PTPRM: variants seen among roughly 807,000 people sequenced by gnomAD.
PTPRM encodes the protein receptor-type tyrosine-protein phosphatase mu.
PTPRM carries 47 observed loss-of-function variants against 186.7 expected under a neutral mutation model. The ratio of observed to expected loss-of-function variants is 0.25; its 90% CI spans 0.20 to 0.32. The LOEUF is 0.32. Ranked by LOEUF, PTPRM falls within the 10% of genes least tolerant of loss-of-function variation. The pLI is 1.00. For missense variants in PTPRM, 1,494 were observed against 1,865.0 expected, an observed-to-expected ratio of 0.80 and a Z score of 3.66; for synonymous variants, 668 against 674.9, an observed-to-expected ratio of 0.99 and a Z score of 0.16.
At chr18:8,262,908 G>A (rs58153362) in intron 19 of PTPRM, among the ~76,000 whole-genome samples, 10,248 of 152,116 alleles carry the variant, frequency 0.067, 401 homozygotes, top group Middle Eastern at 0.12. Flanking sequence ...TGATAGAGAT[G>A]GATATAGAAC....
chr18:7,650,455 C>A (rs912364939), intron 1 of PTPRM, among the ~76,000 whole-genome samples: 2 of 145,610 alleles, frequency 1.4e-5, no homozygotes, highest in Non-Finnish European at 3.0e-5. Context: ...CCCCCCCCCC[C>A]CCACTGTAAT....
intron 14 of PTPRM, among the ~76,000 whole-genome samples, chr18:8,199,228 A>G (rs2146813936): frequency 6.6e-6 from 1 of 152,328 alleles, no homozygotes; most frequent in African/African-American, 2.4e-5. Flanking sequence ...AGACACTAGT[A>G]TTATCCTTAT....
In PTPRM at chr18:7,567,429, G is replaced by GCGCGGC. The variant is rs1204165292; in HGVS notation, c.-388_-383dup. On this transcript the variant is annotated 5_prime_UTR_variant, in exon 1 of 33. Transcript: ENST00000580170. The surrounding 1 kb of genome is among the most constrained non-coding windows in gnomAD (Gnocchi z 4.3). The stretch of plus-strand genomic sequence containing the variant: ...TGTGGAGAGGCGGCGGGCGGAACGC[G>GCGCGGC]CGCGGCCACGGCCACGGCCACCGCC... 8.5e-3 allele frequency: 1,296 copies of GCGCGGC among 152,520 alleles called. 8 individuals carry two copies. Among genetic ancestry groups the GCGCGGC allele is most frequent in the South Asian group, 0.015 (73 of 4,838 alleles). 9.4% of individuals were successfully genotyped at this position (152,520 alleles called of 1,614,324 possible).
chr18:7,728,126 A>T (rs1490047651), intron 1 of PTPRM, among the ~76,000 whole-genome samples: 1 of 152,226 alleles, frequency 6.6e-6, no homozygotes, highest in African/African-American at 2.4e-5. Flanking sequence ...GGAAATTATA[A>T]GTAAGGTTCA....
intron 2 of PTPRM, among the ~76,000 whole-genome samples, chr18:7,791,065 CA>C (rs2043318664): frequency 6.6e-6 from 1 of 152,100 alleles, no homozygotes; most frequent in African/African-American, 2.4e-5. Flanking sequence ...ACTCATCTTA[CA>C]AATGTGTTCT....
chr18:7,810,135 C>G (rs1483294555), intron 2 of PTPRM, among the ~76,000 whole-genome samples: 1 of 152,158 alleles, frequency 6.6e-6, no homozygotes, highest in Non-Finnish European at 1.5e-5. Context: ...AGTAGCCAAA[C>G]ACCCCTCGCA....
chr18:8,318,978 G>A (rs1426816885), intron 21 of PTPRM, among the ~76,000 whole-genome samples, 200 bp from the exon 22 acceptor site: 1 of 152,180 alleles, frequency 6.6e-6, no homozygotes, highest in South Asian at 2.1e-4. Flanking sequence ...CACACCTTTG[G>A]TGCAAGCATC....
At chr18:7,931,220 A>G (rs2051463654) in intron 5 of PTPRM, among the ~76,000 whole-genome samples, 2 of 118,892 alleles carry the variant, frequency 1.7e-5, no homozygotes, top group East Asian at 2.6e-4. Flanking sequence ...AAATCATTCA[A>G]GCACCCAAAA....
At chr18:7,949,750 A>C (rs1267039078) in intron 6 of PTPRM, among the ~76,000 whole-genome samples, 1 of 152,216 alleles carries the variant, frequency 6.6e-6, no homozygotes, top group Non-Finnish European at 1.5e-5. Context: ...AAGCAGTGTC[A>C]GTATAAACAT....
At chr18:7,596,429 A>T (rs1158516000) in intron 1 of PTPRM, among the ~76,000 whole-genome samples, 1 of 152,166 alleles carries the variant, frequency 6.6e-6, no homozygotes, top group Non-Finnish European at 1.5e-5. Flanking sequence ...TCCCATGGGC[A>T]TTTCATCATC....
intron 22 of PTPRM, among the ~76,000 whole-genome samples, chr18:8,343,113 A>C (rs570508599): frequency 2.9e-4 from 40 of 137,036 alleles, no homozygotes; most frequent in Non-Finnish European, 6.0e-4. Flanking sequence ...ACTCTTGAGT[A>C]CTATGGAGAT....
chr18:8,080,523 T>C (rs946586560), intron 9 of PTPRM, among the ~76,000 whole-genome samples: 3 of 152,216 alleles, frequency 2.0e-5, no homozygotes, highest in African/African-American at 4.8e-5. Flanking sequence ...GTGACTAGAG[T>C]ATCAAGTGCA....
intron 14 of PTPRM, among the ~76,000 whole-genome samples, chr18:8,176,548 T>A (rs2093485187): frequency 6.6e-6 from 1 of 152,224 alleles, no homozygotes; most frequent in South Asian, 2.1e-4. Flanking sequence ...CTGTCAACTA[T>A]TAAGCTTAAC....
At position 7,601,088 on chromosome 18, in the gene PTPRM, G is replaced by A. The variant is rs535415983; in HGVS notation, c.73+33197G>A. Among the ~76,000 whole-genome samples the A allele has an allele frequency of 2.0e-5, 3 of 152,318 alleles. No individual in the cohort carries two copies. In the South Asian group the frequency reaches 6.2e-4, roughly 32 times the overall value. On this transcript the variant is annotated intron_variant, in intron 1 of 32. Coordinates refer to ENST00000580170, the MANE Select transcript of PTPRM (RefSeq NM_001105244.2). The stretch of plus-strand genomic sequence containing the variant: ...CTGCAGAAGCGGCTGGCCCAGTGGC[G>A]TGGCTTTCCTAGGACAGAAGGATTG...
intron 14 of PTPRM, among the ~76,000 whole-genome samples, chr18:8,168,538 TTTC>T (rs2093354843): frequency 6.6e-6 from 1 of 152,238 alleles, no homozygotes; most frequent in African/African-American, 2.4e-5. Context: ...TTGTAGACTG[TTTC>T]TTCTTAATTT....
chr18:8,375,588 A>G (rs778245086), intron 24 of PTPRM, among the ~76,000 whole-genome samples: 23 of 152,154 alleles, frequency 1.5e-4, no homozygotes, highest in Non-Finnish European at 3.4e-4. Flanking sequence ...CTGCTGTGAG[A>G]GGTACCAGGA....
intron 13 of PTPRM, among the ~76,000 whole-genome samples, chr18:8,117,935 T>G (rs1450528410): frequency 6.6e-6 from 1 of 152,170 alleles, no homozygotes; most frequent in Admixed American, 6.5e-5. Flanking sequence ...TTTATGACCA[T>G]TTGGTCCAAC....
chr18:7,828,352 C>T (rs1295674644), intron 2 of PTPRM, among the ~76,000 whole-genome samples: 1 of 151,310 alleles, frequency 6.6e-6, no homozygotes, highest in Non-Finnish European at 1.5e-5. Flanking sequence ...TGTGCTGCAC[C>T]CATTAACTCG....
chr18:7,612,503 G>A (rs777303908), intron 1 of PTPRM, among the ~76,000 whole-genome samples: 3 of 152,102 alleles, frequency 2.0e-5, no homozygotes, highest in Non-Finnish European at 4.4e-5. Flanking sequence ...TCTCTCAATT[G>A]TTCCACGATT....
Sources: allele counts gnomAD v4.1 joint callset (sites outside exome capture counted in the v4.1 genomes callset), GRCh38; gene constraint gnomAD v4.1.1; non-coding constraint Gnocchi (gnomAD v3.1); transcripts MANE v1.5; gene names NCBI Gene and HGNC (gene_info 2026-07-23, HGNC 2026-07-21).